Variants in DNER observed in about 807,000 individuals in gnomAD.
The protein encoded by DNER is delta/notch like EGF repeat containing, also known as delta and Notch-like epidermal growth factor-related receptor.
DNER carries 33 observed loss-of-function variants against 78.2 expected under a neutral mutation model. The ratio of observed to expected loss-of-function variants is 0.42; its 90% confidence interval spans 0.32 to 0.56. DNER has a LOEUF of 0.56. Among genes scored for constraint, DNER ranks in the 20% least tolerant of loss-of-function variants. The pLI is 0.11. For synonymous variants in DNER, 417 were observed against 384.8 expected (o/e 1.08, Z -0.98); for missense variants, 918 against 975.3 (o/e 0.94, Z 0.78).
At chr2:229,387,706 T>C (rs1457185463) in intron 11 of DNER, among the ~76,000 whole-genome samples, 1 of 152,184 alleles carries the variant, frequency 6.6e-6, no homozygotes, top group East Asian at 1.9e-4. Context: ...CAAACTTCTA[T>C]TAGTTCACCC....
In DNER at chr2:229,676,005, A is replaced by G. The variant is rs141689177; in HGVS notation, c.276+38143T>C. The stretch of plus-strand genomic sequence containing the variant: ...GTTCTCTCTGGCTGTGCTGCTGCTC[A>G]TGTGAAATCCCCATTTCCCACTCTC... On this transcript the variant is annotated intron_variant, in intron 1 of 12. Coordinates refer to ENST00000341772, the MANE Select transcript of DNER (RefSeq NM_139072.4). Among the ~76,000 whole-genome samples, 137 of 152,264 alleles carry G rather than the reference A, an allele frequency of 9.0e-4. 1 individual carries two copies. Among genetic ancestry groups the G allele is most frequent in the African/African-American group, 3.1e-3 (128 of 41,566 alleles).
intron 1 of DNER, among the ~76,000 whole-genome samples, chr2:229,641,940 C>A (rs1162259190): frequency 6.6e-6 from 1 of 152,018 alleles, no homozygotes; most frequent in African/African-American, 2.4e-5. Flanking sequence ...CTTCCACATT[C>A]CGAGATATAA....
chr2:229,469,906 T>C (rs1694888507), intron 7 of DNER, among the ~76,000 whole-genome samples: 1 of 152,192 alleles, frequency 6.6e-6, no homozygotes, highest in South Asian at 2.1e-4. Flanking sequence ...ATCGCGCCAT[T>C]GCACTCCAGT....
chr2:229,603,046 A>G (rs761636579), intron 1 of DNER, among the ~76,000 whole-genome samples: 69 of 152,228 alleles, frequency 4.5e-4, no homozygotes, highest in Non-Finnish European at 3.8e-4. Flanking sequence ...GAACAGAGAC[A>G]AGAAACAGAA....
intron 10 of DNER, among the ~76,000 whole-genome samples, chr2:229,404,345 T>C (rs937625174): frequency 3.9e-5 from 6 of 152,146 alleles, no homozygotes; most frequent in African/African-American, 1.4e-4. Context: ...AAGGCACCTC[T>C]TCACAGGGCG....
chr2:229,581,279 T>C (rs1697392256), intron 4 of DNER, among the ~76,000 whole-genome samples: 1 of 152,124 alleles, frequency 6.6e-6, no homozygotes, highest in Non-Finnish European at 1.5e-5. Context: ...AGGCAAGCCA[T>C]AACTGTTTCA....
intron 10 of DNER, among the ~76,000 whole-genome samples, chr2:229,391,086 A>C (rs1263269978): frequency 6.6e-6 from 1 of 152,230 alleles, no homozygotes; most frequent in Non-Finnish European, 1.5e-5. Flanking sequence ...AAGACACCCA[A>C]GGATGACTGT....
chr2:229,517,243 C>T (rs188168801), intron 5 of DNER, among the ~76,000 whole-genome samples: 6 of 152,272 alleles, frequency 3.9e-5, no homozygotes, highest in Non-Finnish European at 5.9e-5. Context: ...AGGCACTGTT[C>T]TAGGAGCTGA....
chr2:229,607,556 G>C (rs1169155700), intron 1 of DNER, among the ~76,000 whole-genome samples: 1 of 151,958 alleles, frequency 6.6e-6, no homozygotes, highest in Non-Finnish European at 1.5e-5. Context: ...GAGATGAAAG[G>C]ACCAAATATT....
Position 229,656,865 on chromosome 2 carries a change from C to T in DNER, c.276+57283G>A, listed in dbSNP as rs1698920709. 3.9e-5 allele frequency among the ~76,000 whole-genome samples: 6 copies of T among 152,158 alleles called. No individual in the cohort carries two copies. The South Asian group carries it at 1.2e-3, about 32-fold the overall frequency. On this transcript the variant is annotated intron_variant, in intron 1 of 12. Coordinates refer to ENST00000341772, the MANE Select transcript of DNER (RefSeq NM_139072.4). ...TTTTTTCTGGCCTTGTTGAGGCATA[C>T]TTAAGAAATTAAAATTGTATATATT...
rs115494983 is a variant in DNER at position 229,442,991 on chromosome 2, C to T, written c.1486+4325G>A. Reference sequence around the variant, plus strand: ...GGATGATCTAATTGAGTTACCAGCCCTTTGGTGAAGAAGAATGGGCAGAGG... The same window carrying T: ...GGATGATCTAATTGAGTTACCAGCCTTTTGGTGAAGAAGAATGGGCAGAGG... On this transcript the variant is annotated intron_variant, in intron 8 of 12. Coordinates refer to ENST00000341772, the MANE Select transcript of DNER (RefSeq NM_139072.4). 2.8e-3 allele frequency among the ~76,000 whole-genome samples: 421 copies of T among 152,238 alleles called. 2 individuals carry two copies. Among genetic ancestry groups the T allele is most frequent in the African/African-American group, 9.7e-3 (402 of 41,516 alleles).
chr2:229,547,018 C>A lies in DNER; in HGVS notation c.922G>T (p.Val308Leu), dbSNP rs1018370976. The A allele has an allele frequency of 3.1e-6, 5 of 1,614,098 alleles. No homozygotes were observed. In the African/African-American group the frequency reaches 4.0e-5, roughly 13 times the overall value. Reference protein sequence around the residue: ...LTLVVKVSTCVPGESHANDLE... With the variant: ...LTLVVKVSTCLPGESHANDLE... ...TCATTTGCGTGACTCTCCCCCGGCA[C>A]ACAGGTGCTGACCTTCACCACCAGA... The change falls in exon 5 of 13, where the codon GTG becomes TTG. Residue 308 changes from valine to leucine, a missense_variant. Physicochemically the swap from Val to Leu is conservative, Grantham distance 32 (BLOSUM62 1). Coordinates refer to ENST00000341772, the MANE Select transcript of DNER (RefSeq NM_139072.4).
chr2:229,391,780 T>C (rs1333580630), intron 10 of DNER, among the ~76,000 whole-genome samples: 1 of 152,102 alleles, frequency 6.6e-6, no homozygotes, highest in Non-Finnish European at 1.5e-5. Flanking sequence ...TGACCTCAGG[T>C]GATCTGCCCA....
rs144035056 is a variant in DNER, at chr2:229,423,028, C to A, written c.1487-4798G>T. ...GGAGGTCACTGAACACCCTCAAAAC[C>A]ATGGTTCTTAATGGTGGCTGTGCTA... is the stretch of plus-strand genomic sequence containing the variant. On this transcript the variant is annotated intron_variant, in intron 8 of 12. Coordinates refer to ENST00000341772, the MANE Select transcript of DNER (RefSeq NM_139072.4). Among the ~76,000 whole-genome samples, 1,135 of 152,202 alleles carry A rather than the reference C, an allele frequency of 7.5e-3. 6 individuals carry two copies. The highest frequency in any genetic ancestry group is 0.011 in the Non-Finnish European group (769 of 68,002).
chr2:229,383,136 C>A (rs1347126620), intron 11 of DNER, among the ~76,000 whole-genome samples: 1 of 152,118 alleles, frequency 6.6e-6, no homozygotes, highest in African/African-American at 2.4e-5. Flanking sequence ...GAATTTTCAA[C>A]CCAGAATTTC....
chr2:229,528,882 A>G (rs981816032), intron 5 of DNER, among the ~76,000 whole-genome samples: 2 of 152,212 alleles, frequency 1.3e-5, no homozygotes, highest in Admixed American at 1.3e-4. Flanking sequence ...CCATTGGATA[A>G]TTCCAGTAAA....
chr2:229,584,007 G>T (rs1574913763), intron 4 of DNER, among the ~76,000 whole-genome samples: 1 of 152,274 alleles, frequency 6.6e-6, no homozygotes, highest in East Asian at 1.9e-4. Context: ...TCAGAAGAGG[G>T]TCAGTCAAAC....
Position 229,714,475 on chromosome 2 carries a change from G to A in DNER, c.-52C>T, listed in dbSNP as rs940938683. 1.8e-6 allele frequency: 2 copies of A among 1,095,682 alleles called. No individual in the cohort carries two copies. Among genetic ancestry groups the A allele is most frequent in the Non-Finnish European group, 2.2e-6 (2 of 903,332 alleles). The allele number at this position is 1,095,682 out of a possible 1,614,324, so 67.9% of individuals were successfully genotyped here. ...GAGCCAGGACGCAGTGACGGCGGCG[G>A]CGGTGGCAGTGGCGACGAGAGCTGC... On this transcript the variant is annotated 5_prime_UTR_variant, in exon 1 of 13. Transcript: ENST00000341772.
intron 1 of DNER, among the ~76,000 whole-genome samples, chr2:229,640,682 T>C (rs1698603133): frequency 1.3e-5 from 2 of 152,166 alleles, no homozygotes; most frequent in South Asian, 2.1e-4. Context: ...CACAATAAAA[T>C]TGAGGCAACA....
Sources: gnomAD v4.1 joint callset for allele counts (sites outside exome capture counted in the v4.1 genomes callset) on GRCh38, gnomAD v4.1.1 for gene constraint, MANE v1.5 for transcripts, NCBI Gene and HGNC (gene_info 2026-07-23, HGNC 2026-07-21) for gene names.